The following PRR16 variants were observed in gnomAD, a reference collection of about 807,000 sequenced individuals.
PRR16 encodes the protein protein Largen.
In PRR16, 6 loss-of-function variants were observed where a neutral mutation model predicts 18.2. The observed-to-expected ratio is 0.33, with a 90% CI of 0.18 to 0.65. PRR16 has a LOEUF of 0.65. PRR16 is among the 30% of genes least tolerant of loss of function. PRR16 has a pLI of 0.74. For missense variants in PRR16, 412 were observed against 376.6 expected, an observed-to-expected ratio of 1.09 and a Z score of -0.78; for synonymous variants, 151 against 147.8, an observed-to-expected ratio of 1.02 and a Z score of -0.16.
intron 1 of PRR16, among the ~76,000 whole-genome samples, chr5:120,509,946 A>G (rs1225713830): frequency 6.6e-6 from 1 of 152,118 alleles, no homozygotes; most frequent in African/African-American, 2.4e-5. Flanking sequence ...CTGATATGAC[A>G]AGATAACTGA....
the PRR16 span, among the ~76,000 whole-genome samples, chr5:120,697,503 A>C: frequency 6.6e-6 from 1 of 152,212 alleles, no homozygotes; most frequent in African/African-American, 2.4e-5. Context: ...CCAGTGAGAA[A>C]ATTCTAATAG....
At chr5:120,732,397 A>G in the PRR16 span, among the ~76,000 whole-genome samples, 11 of 152,090 alleles carry the variant, frequency 7.2e-5, no homozygotes, top group Non-Finnish European at 1.2e-4. Flanking sequence ...CGGCTATATA[A>G]TTCTTTCCAA....
At chr5:120,677,819 A>C (rs1195254392) in intron 1 of PRR16, among the ~76,000 whole-genome samples, 1 of 151,562 alleles carries the variant, frequency 6.6e-6, no homozygotes, top group Non-Finnish European at 1.5e-5. Flanking sequence ...ACTTAGTGCT[A>C]TATGGAAATT....
intron 1 of PRR16, among the ~76,000 whole-genome samples, chr5:120,568,284 G>A (rs775975820): frequency 1.3e-5 from 2 of 152,086 alleles, no homozygotes; most frequent in Non-Finnish European, 2.9e-5. Flanking sequence ...ATTGTGGATC[G>A]ATAGAGCTGG....
At chr5:120,587,938 G>A (rs1391198342) in intron 1 of PRR16, among the ~76,000 whole-genome samples, 3 of 152,288 alleles carry the variant, frequency 2.0e-5, no homozygotes, top group East Asian at 3.9e-4. Context: ...CATTAAGAAC[G>A]TTTGTGATTC....
the PRR16 span, among the ~76,000 whole-genome samples, chr5:120,776,050 G>C: frequency 1.3e-5 from 2 of 152,030 alleles, no homozygotes; most frequent in South Asian, 4.1e-4. Context: ...GGGCAGTCAG[G>C]ATCTTATAAA....
chr5:120,704,521 A>G, the PRR16 span, among the ~76,000 whole-genome samples: 1 of 152,198 alleles, frequency 6.6e-6, no homozygotes, highest in Non-Finnish European at 1.5e-5. Flanking sequence ...ATTTTATGGT[A>G]TAGAAACTAG....
chr5:120,749,373 CAT>C, the PRR16 span, among the ~76,000 whole-genome samples: 2 of 152,168 alleles, frequency 1.3e-5, no homozygotes, highest in South Asian at 4.1e-4. Context: ...AATTATGTCA[CAT>C]AAATTATTTT....
rs543888188 is a variant in PRR16, at chr5:120,495,384, T to G, written c.159+30739T>G. 1.2e-4 allele frequency among the ~76,000 whole-genome samples: 19 copies of G among 152,224 alleles called. No homozygotes were observed. The South Asian group carries it at 3.3e-3, about 27-fold the overall frequency. ...CACATCCCCTGAGAATACCAAAATT[T>G]GTTGATGCTGAAGTTTCATATATAA... On this transcript the variant is annotated intron_variant, in intron 1 of 1. Transcript: ENST00000407149.
intron 1 of PRR16, among the ~76,000 whole-genome samples, chr5:120,486,155 G>T (rs1439679960): frequency 1.3e-5 from 2 of 152,172 alleles, no homozygotes; most frequent in Admixed American, 1.3e-4. Context: ...AATCCTTTGG[G>T]TATATACCCA....
the PRR16 span, among the ~76,000 whole-genome samples, chr5:120,771,721 CAG>C: frequency 2.0e-5 from 3 of 152,030 alleles, no homozygotes; most frequent in African/African-American, 7.2e-5. Flanking sequence ...AGGGGATTAA[CAG>C]TGAACCGTAC....
the PRR16 span, among the ~76,000 whole-genome samples, chr5:120,761,630 T>A: frequency 1.3e-5 from 2 of 152,138 alleles, no homozygotes; most frequent in Non-Finnish European, 2.9e-5. Flanking sequence ...ACTAATGTGG[T>A]ACATGTAATA....
chr5:120,745,080 C>G, the PRR16 span, among the ~76,000 whole-genome samples: 1 of 152,148 alleles, frequency 6.6e-6, no homozygotes, highest in South Asian at 2.1e-4. Flanking sequence ...CCTGGCTTCT[C>G]CCAAAAGTCT....
intron 1 of PRR16, among the ~76,000 whole-genome samples, chr5:120,561,979 A>G (rs543725751): frequency 1.2e-4 from 19 of 152,268 alleles, no homozygotes; most frequent in African/African-American, 3.6e-4. Flanking sequence ...CTAATATAAT[A>G]TAATAGGTTT....
intron 1 of PRR16, among the ~76,000 whole-genome samples, chr5:120,548,203 C>T (rs889917305): frequency 1.1e-4 from 17 of 152,094 alleles, no homozygotes; most frequent in Admixed American, 5.9e-4. Context: ...GTTTCCTAAA[C>T]TGTACCTACT....
chr5:120,687,033 A>G lies in PRR16; in HGVS notation c.*324A>G, dbSNP rs1413283037. ...TAAGAGCTGGGATTTGATTCATTTT[A>G]TTTATGCCTAAGTCATCTATGCATT... On this transcript the variant is annotated 3_prime_UTR_variant, in exon 2 of 2. Transcript: ENST00000407149. The G allele has an allele frequency of 5.4e-6, 1 of 185,088 alleles. No homozygotes were observed. Among genetic ancestry groups the G allele is most frequent in the Non-Finnish European group, 1.1e-5 (1 of 90,328 alleles). The allele number at this position is 185,088 out of a possible 1,614,324, so 11.5% of individuals were successfully genotyped here.
intron 1 of PRR16, among the ~76,000 whole-genome samples, chr5:120,572,012 G>C (rs1268410435): frequency 1.3e-5 from 2 of 152,122 alleles, no homozygotes; most frequent in Non-Finnish European, 2.9e-5. Context: ...TATCCAAACT[G>C]TTTGCATGAC....
chr5:120,635,453 A>G (rs896068466), intron 1 of PRR16, among the ~76,000 whole-genome samples: 1 of 152,176 alleles, frequency 6.6e-6, no homozygotes, highest in Non-Finnish European at 1.5e-5. Context: ...GGATGCAGGG[A>G]TGGTTTAACA....
At chr5:120,501,728 G>A (rs1367895632) in intron 1 of PRR16, among the ~76,000 whole-genome samples, 6 of 151,704 alleles carry the variant, frequency 4.0e-5, no homozygotes, top group South Asian at 2.1e-4. Flanking sequence ...AGGCTGAGGC[G>A]GGCAGATCAC....
Sources: gnomAD v4.1 joint callset for allele counts (sites outside exome capture counted in the v4.1 genomes callset) on GRCh38, gnomAD v4.1.1 for gene constraint, MANE v1.5 for transcripts, NCBI Gene and HGNC (gene_info 2026-07-23, HGNC 2026-07-21) for gene names.